The following ROBO2 variants were observed in gnomAD, a reference collection of about 807,000 sequenced individuals.
ROBO2 encodes roundabout guidance receptor 2.
ROBO2 carries 53 observed loss-of-function variants against 160.8 expected under a neutral mutation model. The ratio of observed to expected loss-of-function variants is 0.33; its 90% CI spans 0.26 to 0.41. The LOEUF is 0.41. Ranked by LOEUF, ROBO2 falls within the 10% of genes least tolerant of loss-of-function variation. ROBO2 has a pLI of 1.00. For synonymous variants in ROBO2, 664 were observed against 611.7 expected (o/e 1.09, Z -1.26); for missense variants, 1,577 against 1,722.4 (o/e 0.92, Z 1.49).
intron 2 of ROBO2, among the ~76,000 whole-genome samples, chr3:76,000,155 A>C (rs2065841093): frequency 6.6e-6 from 1 of 152,126 alleles, no homozygotes; most frequent in African/African-American, 2.4e-5. Flanking sequence ...CTTAACATTC[A>C]TCATCTTGAT....
chr3:76,184,139 T>C (rs1701634942), intron 2 of ROBO2, among the ~76,000 whole-genome samples: 1 of 152,068 alleles, frequency 6.6e-6, no homozygotes, highest in African/African-American at 2.4e-5. Context: ...GGTTCACGTG[T>C]GTGTGGGTTG....
intron 2 of ROBO2, among the ~76,000 whole-genome samples, chr3:76,791,204 G>C (rs895581063): frequency 6.6e-6 from 1 of 151,726 alleles, no homozygotes; most frequent in African/African-American, 2.4e-5. Flanking sequence ...AGTACAAGTA[G>C]AAAAGAACAT....
chr3:76,272,018 T>C (rs546375321), intron 2 of ROBO2, among the ~76,000 whole-genome samples: 1 of 152,292 alleles, frequency 6.6e-6, no homozygotes, highest in East Asian at 1.9e-4. Flanking sequence ...CATACATCCA[T>C]ATTCTTAATA....
chr3:77,432,798 C>T (rs2078910844), intron 2 of ROBO2, among the ~76,000 whole-genome samples: 1 of 152,142 alleles, frequency 6.6e-6, no homozygotes, highest in Admixed American at 6.6e-5. Flanking sequence ...ATTCATGCTA[C>T]CCTAGTCGAC....
At chr3:76,964,935 A>G (rs1217899005) in intron 2 of ROBO2, among the ~76,000 whole-genome samples, 2 of 152,222 alleles carry the variant, frequency 1.3e-5, no homozygotes, top group Non-Finnish European at 2.9e-5. Flanking sequence ...AAACATTTTC[A>G]TGAACAATGT....
chr3:77,574,019 G>A, intron 13 of ROBO2, among the ~76,000 whole-genome samples: 1 of 151,846 alleles, frequency 6.6e-6, no homozygotes, highest in South Asian at 2.1e-4. Flanking sequence ...CTATGAGTAG[G>A]AACCCAAAAC....
At chr3:76,823,998 G>T (rs1479816107) in intron 2 of ROBO2, among the ~76,000 whole-genome samples, 2 of 152,116 alleles carry the variant, frequency 1.3e-5, no homozygotes, top group Non-Finnish European at 1.5e-5. Context: ...AGCAATCCTG[G>T]TTTGTATGGC....
chr3:76,210,011 T>A (rs936931263), intron 2 of ROBO2, among the ~76,000 whole-genome samples: 1 of 152,084 alleles, frequency 6.6e-6, no homozygotes, highest in African/African-American at 2.4e-5. Flanking sequence ...CTTGAGTTGA[T>A]TGGACACTCT....
At chr3:76,849,384 C>T (rs754060410) in intron 2 of ROBO2, among the ~76,000 whole-genome samples, 2 of 152,144 alleles carry the variant, frequency 1.3e-5, no homozygotes, top group Non-Finnish European at 2.9e-5. Flanking sequence ...TTATCCTAAA[C>T]TCTGATTCCC....
Position 76,205,643 on chromosome 3 carries a change from G to C in ROBO2, c.109+268041G>C, listed in dbSNP as rs1702764638. Among the ~76,000 whole-genome samples, 3 of 152,148 alleles carry C rather than the reference G, an allele frequency of 2.0e-5. 1 individual carries two copies. Among genetic ancestry groups the C allele is most frequent in the African/African-American group, 7.2e-5 (3 of 41,456 alleles). On this transcript the variant is annotated intron_variant, in intron 2 of 26. Transcript: ENST00000487694. Reference sequence around the variant, plus strand: ...CAGAAACGTAGTTGAACTTAAGTCAGCTTTCCCCAGGTTTACACAGCCCCT... The same window carrying C: ...CAGAAACGTAGTTGAACTTAAGTCACCTTTCCCCAGGTTTACACAGCCCCT...
rs566647454 is a variant in ROBO2 at position 77,103,424 on chromosome 3, T to C, written c.388+5084T>C. Among the ~76,000 whole-genome samples, 230 of 152,194 alleles carry C rather than the reference T, an allele frequency of 1.5e-3. 2 individuals carry two copies. The highest frequency in any genetic ancestry group is 5.2e-3 in the African/African-American group (217 of 41,546). ...AAACCAATCTTTTTTTTTTTTTCTTTTTTCTTACTGCTAAAGCAAAACACA... is the reference window on the plus strand; with the variant it reads ...AAACCAATCTTTTTTTTTTTTTCTTCTTTCTTACTGCTAAAGCAAAACACA... On this transcript the variant is annotated intron_variant, in intron 2 of 25. Transcript: ENST00000461745.
intron 2 of ROBO2, among the ~76,000 whole-genome samples, chr3:76,840,179 A>C (rs1050205722): frequency 3.3e-5 from 5 of 151,762 alleles, no homozygotes; most frequent in Non-Finnish European, 7.4e-5. Context: ...ATTTCAATTT[A>C]ATGTATTTCT....
At chr3:77,079,714 G>A (rs554790181) in intron 1 of ROBO2, among the ~76,000 whole-genome samples, 3 of 152,192 alleles carry the variant, frequency 2.0e-5, no homozygotes, top group South Asian at 2.1e-4. Flanking sequence ...AGGTAGTGCC[G>A]TCCAGTTTGC....
intron 2 of ROBO2, among the ~76,000 whole-genome samples, chr3:77,192,799 C>G (rs1485207977): frequency 6.6e-6 from 1 of 151,474 alleles, no homozygotes; most frequent in Non-Finnish European, 1.5e-5. Context: ...GACTGTGCCA[C>G]CTCACCTGGC....
intron 2 of ROBO2, among the ~76,000 whole-genome samples, chr3:76,415,755 T>C (rs1437933226): frequency 6.6e-6 from 1 of 152,208 alleles, no homozygotes; most frequent in Non-Finnish European, 1.5e-5. Flanking sequence ...ACCTGTCATC[T>C]TTTATGCCAC....
chr3:75,914,184 C>T (rs912135773), intron 1 of ROBO2, among the ~76,000 whole-genome samples: 2 of 152,056 alleles, frequency 1.3e-5, no homozygotes, highest in African/African-American at 4.8e-5. Flanking sequence ...GAGCATTGTC[C>T]TTCCTAAAAG....
chr3:77,538,225 C>T (rs564826105), intron 6 of ROBO2, among the ~76,000 whole-genome samples: 25 of 132,646 alleles, frequency 1.9e-4, no homozygotes, highest in Non-Finnish European at 3.7e-4. Flanking sequence ...GTCACCCAGG[C>T]TGGAGTGCAG....
At chr3:77,214,550 CT>C (rs1259287045) in intron 2 of ROBO2, among the ~76,000 whole-genome samples, 4 of 152,104 alleles carry the variant, frequency 2.6e-5, no homozygotes, top group African/African-American at 9.7e-5. Context: ...CAGTCTGTGC[CT>C]TTTATTTGGA....
At chr3:76,410,572 AT>A (rs1234528302) in intron 2 of ROBO2, among the ~76,000 whole-genome samples, 1 of 152,112 alleles carries the variant, frequency 6.6e-6, no homozygotes, top group African/African-American at 2.4e-5. Context: ...CTGATATTAG[AT>A]TCCTATTTTT....
Sources: gnomAD v4.1 joint callset for allele counts (sites outside exome capture counted in the v4.1 genomes callset) on GRCh38, gnomAD v4.1.1 for gene constraint, MANE v1.5 for transcripts, NCBI Gene and HGNC (gene_info 2026-07-23, HGNC 2026-07-21) for gene names.